FBXO3: variants seen among roughly 807,000 people sequenced by gnomAD.
FBXO3 encodes F-box protein 3.
A neutral mutation model predicts 64.8 loss-of-function variants in FBXO3; 17 were observed. That is an observed-to-expected ratio of 0.26 (90% CI 0.18 to 0.39). FBXO3 has a LOEUF of 0.39. Among genes scored for constraint, FBXO3 ranks in the 10% least tolerant of loss-of-function variants. The pLI is 1.00. For missense variants in FBXO3, 420 were observed against 589.9 expected, an observed-to-expected ratio of 0.71 and a Z score of 2.98; for synonymous variants, 182 against 201.6, an observed-to-expected ratio of 0.90 and a Z score of 0.82.
At position 33,741,909 on chromosome 11, in the gene FBXO3, TA is replaced by T; in HGVS notation, c.1414del (p.Ter472SerfsTer16). The T allele has an allele frequency of 5.6e-6, 9 of 1,610,020 alleles. No individual in the cohort carries two copies. Among genetic ancestry groups the T allele is most frequent in the African/African-American group, 1.3e-5 (1 of 74,848 alleles). ...GTGCTTCCATCAGCAGAAGGCTTGC[TA>T]AAAAAGGCGTGAGCAGCGGCGTCTG... ...IRRRRCSRLF* is the reference protein window; with the variant it reads ...IRRRRCSRLFX On this transcript the variant is annotated frameshift_variant and stop_lost, in exon 11 of 11. Transcript: ENST00000265651. LOFTEE classifies it high-confidence loss of function.
intron 3 of FBXO3, 91 bp from the exon 4 acceptor site, chr11:33,758,692 T>G (rs1590576272): frequency 2.5e-6 from 2 of 796,122 alleles, no homozygotes; most frequent in East Asian, 2.8e-5. Context: ...GAAACAATCT[T>G]GGAATGAGTG....
chr11:33,751,794 G>C (rs941225369), intron 6 of FBXO3, among the ~76,000 whole-genome samples, 187 bp from the exon 7 acceptor site: 3 of 151,962 alleles, frequency 2.0e-5, no homozygotes, highest in African/African-American at 7.3e-5. Flanking sequence ...TTATTTCCTT[G>C]GGATTCTCCC....
chr11:33,763,778 T>C (rs1855300240), intron 3 of FBXO3, among the ~76,000 whole-genome samples: 1 of 152,042 alleles, frequency 6.6e-6, no homozygotes, highest in African/African-American at 2.4e-5. Flanking sequence ...GCCAGTGCAG[T>C]AAGGCAAGAA....
rs189166169 is a variant in FBXO3 at position 33,762,547 on chromosome 11, T to C, written c.359-3946A>G. ...AAGTAATACACTTCTATATCATTCA[T>C]GGGTTAAAGAAGAAATCAAAGAAAT... On this transcript the variant is annotated intron_variant, in intron 3 of 10. Transcript: ENST00000265651. Among the ~76,000 whole-genome samples, 6 of 152,118 alleles carry C rather than the reference T, an allele frequency of 3.9e-5. No homozygotes were observed. In the East Asian group the frequency reaches 1.2e-3, roughly 29 times the overall value.
At position 33,774,472 on chromosome 11, in the gene FBXO3, G is replaced by C; in HGVS notation, c.26C>G (p.Ala9Gly). MAAMETETAPLTLESLPTD... is the reference protein window; with the variant it reads MAAMETETGPLTLESLPTD... ...GGGCAGCGACTCTAGGGTCAGCGGCGCCGTCTCGGTCTCCATGGCCGCCAT... is the reference window on the plus strand; with the variant it reads ...GGGCAGCGACTCTAGGGTCAGCGGCCCCGTCTCGGTCTCCATGGCCGCCAT... The change falls in exon 1 of 11, where the codon GCG becomes GGG. Residue 9 changes from alanine (A) to glycine (G), a missense_variant. By Grantham distance (60) the Ala-to-Gly change is moderately conservative. Coordinates refer to ENST00000265651, the MANE Select transcript of FBXO3 (RefSeq NM_012175.4). 1 of 1,585,134 alleles carries C rather than the reference G, an allele frequency of 6.3e-7. No individual in the cohort carries two copies. Among genetic ancestry groups the C allele is most frequent in the Non-Finnish European group, 8.6e-7 (1 of 1,166,434 alleles).
At chr11:33,770,482 G>A (rs531637836) in intron 2 of FBXO3, among the ~76,000 whole-genome samples, 14 of 152,304 alleles carry the variant, frequency 9.2e-5, no homozygotes, top group South Asian at 4.1e-4. Context: ...AGTCAGGGAG[G>A]GAGATTCAGG....
At chr11:33,747,775 G>A (rs1340657236) in intron 9 of FBXO3, among the ~76,000 whole-genome samples, 1 of 151,452 alleles carries the variant, frequency 6.6e-6, no homozygotes, top group Non-Finnish European at 1.5e-5. Flanking sequence ...GCCTCCCAAA[G>A]TTCTGGGATA....
At chr11:33,759,682 G>A (rs569095698) in intron 3 of FBXO3, among the ~76,000 whole-genome samples, 29 of 151,660 alleles carry the variant, frequency 1.9e-4, no homozygotes, top group Non-Finnish European at 3.7e-4. Flanking sequence ...AAAACAACTA[G>A]GCCTATACCA....
intron 3 of FBXO3, among the ~76,000 whole-genome samples, chr11:33,759,094 G>A (rs1855181025): frequency 6.6e-6 from 1 of 152,180 alleles, no homozygotes; most frequent in Non-Finnish European, 1.5e-5. Flanking sequence ...ACATATTCTA[G>A]CTTTGAGAAG....
chr11:33,742,871 T>A (rs1209973059), intron 10 of FBXO3: 1 of 152,184 alleles, frequency 6.6e-6, no homozygotes, highest in African/African-American at 2.4e-5. Context: ...TGGGAAGTAT[T>A]CAGTGGGGTG....
chr11:33,769,759 T>C lies in FBXO3; in HGVS notation c.195-745A>G, dbSNP rs1855464634. 1.3e-5 allele frequency among the ~76,000 whole-genome samples: 2 copies of C among 151,494 alleles called. 1 individual carries two copies. Among genetic ancestry groups the C allele is most frequent in the Admixed American group, 1.3e-4 (2 of 15,220 alleles). ...GAGACACGCCTAGGATGACTCCTAA[T>C]TCTGATCTGGATGCCTGAGTGGATG... On this transcript the variant is annotated intron_variant, in intron 2 of 10. Transcript: ENST00000265651.
intron 5 of FBXO3, among the ~76,000 whole-genome samples, chr11:33,755,227 G>T (rs1342950649): frequency 2.6e-5 from 4 of 151,956 alleles, no homozygotes; most frequent in East Asian, 1.9e-4. Flanking sequence ...TTCATATCTA[G>T]GCAAAAATGA....
At chr11:33,748,722 GTCT>G in intron 9 of FBXO3, 52 bp downstream of exon 9, 1 of 1,123,908 alleles carries the variant, frequency 8.9e-7, no homozygotes, top group African/African-American at 1.5e-5. Flanking sequence ...AGGATGCAAA[GTCT>G]AACATTTCTT....
chr11:33,756,997 G>A, intron 4 of FBXO3: 2 of 518,672 alleles, frequency 3.9e-6, no homozygotes, highest in Non-Finnish European at 7.7e-6. Flanking sequence ...ATCCCAAAGA[G>A]CTAGTTTCAG....
intron 6 of FBXO3, chr11:33,753,049 T>C (rs1855003272): frequency 6.6e-6 from 1 of 152,220 alleles, no homozygotes; most frequent in Non-Finnish European, 1.5e-5. Context: ...ATTTTGTGTG[T>C]TACCAGTCTA....
At chr11:33,767,326 G>C (rs1855399343) in intron 3 of FBXO3, among the ~76,000 whole-genome samples, 1 of 152,026 alleles carries the variant, frequency 6.6e-6, no homozygotes. Flanking sequence ...TTGAGATGGA[G>C]TCTTGCTCTG....
intron 1 of FBXO3, chr11:33,771,963 C>CCA (rs1855521895): frequency 6.6e-6 from 1 of 152,196 alleles, no homozygotes; most frequent in Non-Finnish European, 1.5e-5. Flanking sequence ...CTGATCCAGT[C>CCA]GGTTTGGACT....
chr11:33,764,550 C>A (rs1855321166), intron 3 of FBXO3, among the ~76,000 whole-genome samples: 1 of 151,898 alleles, frequency 6.6e-6, no homozygotes, highest in Non-Finnish European at 1.5e-5. Context: ...CTGCAGTTAT[C>A]TTTCTAAAAA....
At chr11:33,768,307 T>G (rs1855425979) in intron 3 of FBXO3, among the ~76,000 whole-genome samples, 1 of 152,358 alleles carries the variant, frequency 6.6e-6, no homozygotes, top group South Asian at 2.1e-4. Context: ...GAGCATATTC[T>G]GGAGTTGAAC....
Sources: allele counts gnomAD v4.1 joint callset (sites outside exome capture counted in the v4.1 genomes callset), GRCh38; gene constraint gnomAD v4.1.1; transcripts MANE v1.5; gene names NCBI Gene and HGNC (gene_info 2026-07-23, HGNC 2026-07-21).